The following DEF8 variants were observed in gnomAD, a reference collection of about 807,000 sequenced individuals.
DEF8 encodes differentially expressed in FDCP 8 homolog.
A neutral mutation model predicts 59.1 loss-of-function variants in DEF8; 38 were observed. The observed-to-expected ratio is 0.64, with a 90% CI of 0.50 to 0.84. The LOEUF (loss-of-function observed/expected upper bound fraction) is 0.84, where lower values mean the gene tolerates loss of function less well. Among genes scored for constraint, DEF8 ranks in the 40% least tolerant of loss-of-function variants. The probability of loss-of-function intolerance (pLI) is 0.00; values close to 1 mark genes in which losing one functional copy is unlikely to be tolerated. For synonymous variants in DEF8, 265 were observed against 250.1 expected, an observed-to-expected ratio of 1.06 and a Z score of -0.56; for missense variants, 557 against 615.2, an observed-to-expected ratio of 0.91 and a Z score of 1.00.
At chr16:89,963,183 C>G (rs971725803) in intron 9 of DEF8, among the ~76,000 whole-genome samples, 180 bp from the exon 10 acceptor site, 1 of 152,214 alleles carries the variant, frequency 6.6e-6, no homozygotes, top group Non-Finnish European at 1.5e-5. Flanking sequence ...GGTAAGTGAG[C>G]CTCACGGTCC....
At chr16:89,963,775 G>C in intron 10 of DEF8, 1 of 495,200 alleles carries the variant, frequency 2.0e-6, no homozygotes, top group East Asian at 3.6e-5. Context: ...TTCTGGAACA[G>C]TGAACGAAAC....
At chr16:89,959,459 C>T (rs2033726817) in intron 6 of DEF8, 1 of 774,546 alleles carries the variant, frequency 1.3e-6, no homozygotes, top group Admixed American at 3.8e-5. Context: ...AATGTAAAGG[C>T]ATCACGTGAC....
chr16:89,964,039 C>T (rs544349413), intron 10 of DEF8, 131 bp from the exon 11 acceptor site: 2 of 1,268,106 alleles, frequency 1.6e-6, no homozygotes, highest in African/African-American at 1.5e-5. Context: ...GGATTCTACT[C>T]CTGGGGCCCA....
chr16:89,949,097 GGGCCGGCGA>G (rs2031416079), intron 1 of DEF8, among the ~76,000 whole-genome samples: 1 of 136,572 alleles, frequency 7.3e-6, no homozygotes, highest in African/African-American at 2.7e-5. Context: ...GGCGGGGACG[GGGCCGGCGA>G]GGTCGGGGCC....
Position 89,954,495 on chromosome 16 carries a change from G to C in DEF8, c.124+119G>C. 8.9e-7 allele frequency: 1 copy of C among 1,123,410 alleles called. No homozygotes were observed. Among genetic ancestry groups the C allele is most frequent in the Non-Finnish European group, 1.3e-6 (1 of 794,898 alleles). 69.6% of individuals were successfully genotyped at this position (1,123,410 alleles called of 1,614,324 possible). A position where few individuals can be genotyped will look rare whatever the true frequency, so the allele number is the denominator to read the frequency against. ...TGGCTTTCCCACGGAGCCGGCACCT[G>C]CTGGCTGTGTTCTTTTTCCCATCTC... On this transcript the variant is annotated intron_variant, in intron 3 of 12. Coordinates refer to ENST00000563594, the MANE Select transcript of DEF8 (RefSeq NM_001242818.2). This position sits in a 1 kb window ranked among gnomAD's most constrained non-coding sequence, Gnocchi z 4.3.
intron 1 of DEF8, 114 bp from the exon 2 acceptor site, chr16:89,949,303 C>T: frequency 2.3e-6 from 2 of 860,726 alleles, no homozygotes; most frequent in Non-Finnish European, 3.4e-6. Flanking sequence ...GTTTCCCCCT[C>T]GGTGGAACGG....
chr16:89,955,943 CAT>C (rs2033098072), intron 4 of DEF8, among the ~76,000 whole-genome samples: 1 of 151,760 alleles, frequency 6.6e-6, no homozygotes, highest in Admixed American at 6.6e-5. Flanking sequence ...CGTGGTGGCA[CAT>C]GCCTGTAGTC....
chr16:89,961,885 G>T (rs1252404845), intron 8 of DEF8, 21 bp downstream of exon 8: 1 of 1,595,516 alleles, frequency 6.3e-7, no homozygotes, highest in African/African-American at 1.3e-5. Flanking sequence ...GAAGGTGGGG[G>T]CATCCCCCTG....
intron 6 of DEF8, among the ~76,000 whole-genome samples, chr16:89,960,698 C>T (rs1468862471): frequency 6.6e-6 from 1 of 152,086 alleles, no homozygotes; most frequent in Non-Finnish European, 1.5e-5. Context: ...AGGTTGGCCC[C>T]AAACATGTGA....
intron 6 of DEF8, among the ~76,000 whole-genome samples, chr16:89,959,990 T>G (rs1228266252): frequency 1.3e-5 from 2 of 150,424 alleles, no homozygotes; most frequent in East Asian, 3.9e-4. Context: ...GTGGTTGATA[T>G]AAGGAGGAGC....
At chr16:89,959,544 G>T (rs533590258) in intron 6 of DEF8, among the ~76,000 whole-genome samples, 63 of 152,386 alleles carry the variant, frequency 4.1e-4, no homozygotes, top group Admixed American at 3.8e-3. Context: ...GCCCAGGCTG[G>T]AGTGCAGTGG....
In DEF8 at chr16:89,954,520, C is replaced by G; in HGVS notation, c.124+144C>G. 1.1e-6 allele frequency: 1 copy of G among 906,648 alleles called. No homozygotes were observed. Among genetic ancestry groups the G allele is most frequent in the Non-Finnish European group, 1.6e-6 (1 of 610,994 alleles). 56.2% of individuals were successfully genotyped at this position (906,648 alleles called of 1,614,324 possible). On this transcript the variant is annotated intron_variant, in intron 3 of 12. Transcript: ENST00000563594. The surrounding 1 kb of genome is among the most constrained non-coding windows in gnomAD (Gnocchi z 4.3). ...GCTGGCTGTGTTCTTTTTCCCATCTCTTCTGTGGTCGTGTGGTTTGTTTCT... is the reference window on the plus strand; with the variant it reads ...GCTGGCTGTGTTCTTTTTCCCATCTGTTCTGTGGTCGTGTGGTTTGTTTCT...
chr16:89,960,821 A>T, intron 6 of DEF8, 110 bp from the exon 7 acceptor site: 1 of 1,146,620 alleles, frequency 8.7e-7, no homozygotes. Flanking sequence ...TCTTAGATTG[A>T]TCTGGGCCTC....
chr16:89,960,248 G>A (rs1414896788), intron 6 of DEF8, among the ~76,000 whole-genome samples: 1 of 152,188 alleles, frequency 6.6e-6, no homozygotes. Flanking sequence ...GGAGGTGACT[G>A]AGAAGAGGGG....
At chr16:89,963,675 C>T in intron 10 of DEF8, 1 of 564,970 alleles carries the variant, frequency 1.8e-6, no homozygotes, top group East Asian at 2.9e-5. Flanking sequence ...TGGGGTGGGT[C>T]CAGCCCAGCC....
At chr16:89,961,242 C>T in intron 7 of DEF8, 147 bp downstream of exon 7, 2 of 1,107,268 alleles carry the variant, frequency 1.8e-6, no homozygotes, top group East Asian at 2.6e-5. Flanking sequence ...TGACAAGGGT[C>T]TGTTGCTGCC....
In DEF8 at chr16:89,961,722, C is replaced by T. The variant is rs1379332452; in HGVS notation, c.680-15C>T. ...TTGTGAGGCAGGGACACTCAGGGCCCCTCTGACCCTGCAGGGGGTGTGCCC... is the reference window on the plus strand; with the variant it reads ...TTGTGAGGCAGGGACACTCAGGGCCTCTCTGACCCTGCAGGGGGTGTGCCC... On this transcript the variant is annotated splice_polypyrimidine_tract_variant and intron_variant, in intron 7 of 12. Transcript: ENST00000563594. 1.2e-6 allele frequency: 2 copies of T among 1,612,414 alleles called. No individual in the cohort carries two copies. Among genetic ancestry groups the T allele is most frequent in the Admixed American group, 1.7e-5 (1 of 59,974 alleles).
rs1348128168 is a variant in DEF8, at chr16:89,948,820, C to T, written c.-108+6C>T. 3 of 965,824 alleles carry T rather than the reference C, an allele frequency of 3.1e-6. No homozygotes were observed. The highest frequency in any genetic ancestry group is 4.7e-5 in the South Asian group (1 of 21,144). 59.8% of individuals were successfully genotyped at this position (965,824 alleles called of 1,614,324 possible). On this transcript the variant is annotated splice_donor_region_variant and intron_variant, in intron 1 of 12. Transcript: ENST00000563594. ...AGATGCGAGGCGGCGGTCAGGTGAG[C>T]GGCGCGGGGCCGGCGGGGTCGGGGC... is the stretch of plus-strand genomic sequence containing the variant.
In DEF8 at chr16:89,962,102, G is replaced by C; in HGVS notation, c.898G>C (p.Val300Leu). 6.2e-7 allele frequency: 1 copy of C among 1,613,960 alleles called. No individual in the cohort carries two copies. Among genetic ancestry groups the C allele is most frequent in the Non-Finnish European group, 8.5e-7 (1 of 1,179,908 alleles). Reference sequence around the variant, plus strand: ...GATCAACCCTCTGCTGTTCAGCTACGTGGAGGAGCTGGTGGAGATTCGCGT... The same window carrying C: ...GATCAACCCTCTGCTGTTCAGCTACCTGGAGGAGCTGGTGGAGATTCGCGT... ...REINPLLFSY[V>L]EELVEIRKLR... The change falls in exon 9 of 13, where the codon GTG becomes CTG. Residue 300 changes from valine to leucine, a missense_variant. Transcript: ENST00000563594.
Sources: allele counts gnomAD v4.1 joint callset (sites outside exome capture counted in the v4.1 genomes callset), GRCh38; gene constraint gnomAD v4.1.1; non-coding constraint Gnocchi (gnomAD v3.1); transcripts MANE v1.5; gene names NCBI Gene and HGNC (gene_info 2026-07-23, HGNC 2026-07-21).